LIN7A: variants seen among roughly 807,000 people sequenced by gnomAD.
LIN7A encodes lin-7 cell polarity scaffold A.
In LIN7A, 25 loss-of-function variants were observed where a neutral mutation model predicts 29.8. The ratio of observed to expected loss-of-function variants is 0.84; its 90% CI spans 0.61 to 1.17. The LOEUF (loss-of-function observed/expected upper bound fraction) is 1.17, where lower values mean the gene tolerates loss of function less well. Ranked by LOEUF, LIN7A falls within the 50% of genes most tolerant of loss-of-function variation. The probability of loss-of-function intolerance (pLI) is 0.00; values close to 1 mark genes in which losing one functional copy is unlikely to be tolerated. For synonymous variants in LIN7A, 118 were observed against 107.5 expected (o/e 1.10, Z -0.60); for missense variants, 239 against 287.0 (o/e 0.83, Z 1.21).
intron 2 of LIN7A, among the ~76,000 whole-genome samples, chr12:80,869,093 G>C (rs1390053651): frequency 3.3e-5 from 5 of 151,690 alleles, no homozygotes; most frequent in African/African-American, 9.7e-5. Flanking sequence ...GCTAGGTGGA[G>C]AAAGGGCATT....
At chr12:80,897,445 TA>T (rs1274930305) in intron 1 of LIN7A, among the ~76,000 whole-genome samples, 2 of 152,214 alleles carry the variant, frequency 1.3e-5, no homozygotes, top group Non-Finnish European at 2.9e-5. Flanking sequence ...CTTGTTAGGC[TA>T]AATACTAGAA....
At chr12:80,918,026 C>A (rs1207469257) in intron 1 of LIN7A, among the ~76,000 whole-genome samples, 1 of 151,876 alleles carries the variant, frequency 6.6e-6, no homozygotes, top group South Asian at 2.1e-4. Flanking sequence ...ATGTACATTT[C>A]TTTCTTTCAT....
At chr12:80,925,230 T>A (rs1421527134) in intron 1 of LIN7A, among the ~76,000 whole-genome samples, 1 of 152,248 alleles carries the variant, frequency 6.6e-6, no homozygotes, top group East Asian at 1.9e-4. Flanking sequence ...GTAAGTGTTC[T>A]AATAGAATTA....
At chr12:80,861,076 A>G (rs1873851196) in intron 2 of LIN7A, 1 of 152,358 alleles carries the variant, frequency 6.6e-6, no homozygotes, top group Non-Finnish European at 1.5e-5. Context: ...GTAACTGCTG[A>G]GCCTCTTCTG....
At chr12:80,836,740 TC>T (rs1220241494) in intron 4 of LIN7A, among the ~76,000 whole-genome samples, 12 of 152,268 alleles carry the variant, frequency 7.9e-5, no homozygotes, top group Non-Finnish European at 1.8e-4. Context: ...TTTTCTTCTT[TC>T]CCCTCTGTAA....
intron 1 of LIN7A, among the ~76,000 whole-genome samples, chr12:80,918,842 T>C (rs1231665663): frequency 1.3e-5 from 2 of 152,202 alleles, no homozygotes; most frequent in Non-Finnish European, 2.9e-5. Context: ...TTTCAGTCAA[T>C]GAGGAGCTGC....
At chr12:80,847,523 A>C (rs549350568) in intron 3 of LIN7A, among the ~76,000 whole-genome samples, 3 of 152,360 alleles carry the variant, frequency 2.0e-5, no homozygotes, top group African/African-American at 7.2e-5. Flanking sequence ...TTTCTTATAC[A>C]TTATTAGAAA....
chr12:80,924,941 T>C (rs755419072), intron 1 of LIN7A, among the ~76,000 whole-genome samples: 2 of 152,206 alleles, frequency 1.3e-5, no homozygotes, highest in Non-Finnish European at 2.9e-5. Context: ...ATGATGTTCA[T>C]TAATTCCCAG....
intron 1 of LIN7A, among the ~76,000 whole-genome samples, chr12:80,915,858 C>T (rs575086454): frequency 2.0e-5 from 3 of 152,208 alleles, no homozygotes; most frequent in African/African-American, 7.2e-5. Context: ...ATGGGAACAA[C>T]AGACAATGAA....
chr12:80,827,199 A>G (rs1189432039), intron 4 of LIN7A, among the ~76,000 whole-genome samples: 1 of 152,138 alleles, frequency 6.6e-6, no homozygotes, highest in East Asian at 1.9e-4. Context: ...CATCCTGGCT[A>G]ACACGGTGAA....
rs1411080519 is a variant in LIN7A at position 80,846,436 on chromosome 12, C to T, written c.274-497G>A. On this transcript the variant is annotated intron_variant, in intron 3 of 5. Transcript: ENST00000552864. ...TGAAGAGCACTTGTATGTATACATA[C>T]TTTTGAATACATATGTAATCTTGCT... Among the ~76,000 whole-genome samples, 5 of 152,196 alleles carry T rather than the reference C, an allele frequency of 3.3e-5. No individual in the cohort carries two copies. The South Asian group carries it at 6.2e-4, about 19-fold the overall frequency.
intron 1 of LIN7A, 162 bp downstream of exon 1, chr12:80,937,479 G>A (rs73345662): frequency 0.07 from 30,159 of 432,644 alleles, 2,624 homozygotes; most frequent in East Asian, 0.25. Context: ...AGAGAAAGGG[G>A]AAGAAAGTGT....
At chr12:80,823,299 C>T (rs1308085497) in intron 4 of LIN7A, among the ~76,000 whole-genome samples, 1 of 152,142 alleles carries the variant, frequency 6.6e-6, no homozygotes, top group Non-Finnish European at 1.5e-5. Context: ...TTTTGGGGAG[C>T]CCAGACCTAA....
At chr12:80,814,844 A>T (rs572908663) in intron 4 of LIN7A, among the ~76,000 whole-genome samples, 2 of 152,190 alleles carry the variant, frequency 1.3e-5, no homozygotes, top group African/African-American at 4.8e-5. Flanking sequence ...TTAAGGCTCA[A>T]CAGAGTCAAC....
chr12:80,905,005 A>T (rs191750592), intron 1 of LIN7A, among the ~76,000 whole-genome samples: 36 of 151,786 alleles, frequency 2.4e-4, no homozygotes, highest in Admixed American at 8.5e-4. Flanking sequence ...ACTTGCTTTT[A>T]TCTGTATTTT....
At chr12:80,889,493 A>C in intron 1 of LIN7A, 124 bp from the exon 2 acceptor site, 1 of 630,656 alleles carries the variant, frequency 1.6e-6, no homozygotes, top group Non-Finnish European at 2.8e-6. Flanking sequence ...CATAATCAGA[A>C]CTTATATTCA....
At chr12:80,902,755 C>CT in intron 1 of LIN7A, among the ~76,000 whole-genome samples, 1 of 151,928 alleles carries the variant, frequency 6.6e-6, no homozygotes, top group Non-Finnish European at 1.5e-5. Context: ...TTCTAGGAGA[C>CT]TTTTGGCAGA....
Position 80,811,609 on chromosome 12 carries a change from C to T in LIN7A, c.558G>A (p.Val186=), listed in dbSNP as rs758217867. The part of the protein sequence containing the change: ...KAAKDSVKLV[V]RYTPKVLEEM... ...CTTCCAGAACTTTTGGGGTGTATCG[C>T]ACCACCAGCTTGACGCTGTCTTTAG... Residue 186 remains valine, a synonymous_variant, in exon 5 of 6, where the codon GTG becomes GTA. Coordinates refer to ENST00000552864, the MANE Select transcript of LIN7A (RefSeq NM_004664.4). 3.7e-6 allele frequency: 6 copies of T among 1,613,964 alleles called. No individual in the cohort carries two copies. In the Admixed American group the frequency reaches 5.0e-5, roughly 13 times the overall value.
At chr12:80,807,072 T>TGTTG (rs777411417) in intron 5 of LIN7A, among the ~76,000 whole-genome samples, 3 of 120,264 alleles carry the variant, frequency 2.5e-5, no homozygotes, top group East Asian at 2.5e-4. Context: ...AGTTTTTTTT[T>TGTTG]TTTTTTTTTT....
Sources: gnomAD v4.1 joint callset for allele counts (sites outside exome capture counted in the v4.1 genomes callset) on GRCh38, gnomAD v4.1.1 for gene constraint, MANE v1.5 for transcripts, NCBI Gene and HGNC (gene_info 2026-07-23, HGNC 2026-07-21) for gene names.